The following NUBPL variants were observed in gnomAD, a reference collection of about 807,000 sequenced individuals.
The protein encoded by NUBPL is NUBP iron-sulfur cluster assembly factor, mitochondrial.
NUBPL carries 31 observed loss-of-function variants against 45.7 expected under a neutral mutation model. That is an observed-to-expected ratio of 0.68 (90% CI 0.51 to 0.92). NUBPL has a LOEUF of 0.92. Among genes scored for constraint, NUBPL ranks in the 40% least tolerant of loss-of-function variants. NUBPL has a pLI of 0.00. For missense variants in NUBPL, 401 were observed against 398.7 expected, an observed-to-expected ratio of 1.01 and a Z score of -0.05; for synonymous variants, 144 against 140.9, an observed-to-expected ratio of 1.02 and a Z score of -0.15.
At chr14:31,643,944 T>C (rs1004872050) in intron 4 of NUBPL, among the ~76,000 whole-genome samples, 2 of 152,094 alleles carry the variant, frequency 1.3e-5, no homozygotes, top group Non-Finnish European at 2.9e-5. Flanking sequence ...TTGTTTCTTA[T>C]AATTTTAAAT....
intron 8 of NUBPL, among the ~76,000 whole-genome samples, chr14:31,837,639 G>T (rs986310709): frequency 2.6e-5 from 4 of 151,898 alleles, no homozygotes; most frequent in African/African-American, 9.7e-5. Context: ...AATTATTGAG[G>T]ATCAACCAAA....
intron 6 of NUBPL, among the ~76,000 whole-genome samples, chr14:31,689,564 C>G (rs1203382260): frequency 6.6e-6 from 1 of 151,910 alleles, no homozygotes; most frequent in African/African-American, 2.4e-5. Context: ...GGATATTAGA[C>G]CTTTGTCAGA....
At chr14:31,734,908 C>A (rs1173665581) in intron 6 of NUBPL, among the ~76,000 whole-genome samples, 1 of 152,186 alleles carries the variant, frequency 6.6e-6, no homozygotes, top group African/African-American at 2.4e-5. Flanking sequence ...ACCAAGAAGA[C>A]AAGTCAGTGA....
At chr14:31,669,089 C>G (rs2036508347) in intron 4 of NUBPL, among the ~76,000 whole-genome samples, 1 of 152,130 alleles carries the variant, frequency 6.6e-6, no homozygotes, top group Non-Finnish European at 1.5e-5. Flanking sequence ...ACTCAAACTC[C>G]TGGGCTCAAT....
intron 6 of NUBPL, among the ~76,000 whole-genome samples, chr14:31,767,650 G>A (rs2038937596): frequency 6.6e-6 from 1 of 152,182 alleles, no homozygotes; most frequent in Non-Finnish European, 1.5e-5. Context: ...AGCAATGAAA[G>A]CACAAAGTCT....
chr14:31,815,557 A>C (rs113834165), intron 7 of NUBPL, among the ~76,000 whole-genome samples: 11,200 of 152,180 alleles, frequency 0.074, 470 homozygotes, highest in Non-Finnish European at 0.092. Flanking sequence ...CCTTGGCCAG[A>C]ACTTCCAATA....
At chr14:31,665,235 T>G (rs2036377894) in intron 4 of NUBPL, among the ~76,000 whole-genome samples, 2 of 152,210 alleles carry the variant, frequency 1.3e-5, no homozygotes, top group South Asian at 4.1e-4. Flanking sequence ...AGTTCTTCTC[T>G]GATCTTAGTT....
intron 6 of NUBPL, among the ~76,000 whole-genome samples, chr14:31,687,352 A>T (rs1386775154): frequency 6.6e-6 from 1 of 152,238 alleles, no homozygotes; most frequent in Non-Finnish European, 1.5e-5. Context: ...ATATATGTTG[A>T]TACTAGTGTA....
intron 6 of NUBPL, among the ~76,000 whole-genome samples, chr14:31,746,117 TATC>T (rs2140009303): frequency 6.6e-6 from 1 of 152,152 alleles, no homozygotes; most frequent in Admixed American, 6.5e-5. Context: ...TAGAAAGTCA[TATC>T]ATCTGCAAAC....
chr14:31,765,106 G>A (rs933491549), intron 6 of NUBPL, among the ~76,000 whole-genome samples: 2 of 152,136 alleles, frequency 1.3e-5, no homozygotes. Context: ...AAAGACATAG[G>A]TCACTAAAAT....
chr14:31,634,248 C>A (rs1265920347), intron 4 of NUBPL, among the ~76,000 whole-genome samples: 1 of 105,218 alleles, frequency 9.5e-6, no homozygotes, highest in Non-Finnish European at 1.8e-5. Context: ...CACCCCCCAC[C>A]CCACAACAGT....
intron 7 of NUBPL, among the ~76,000 whole-genome samples, chr14:31,795,484 C>G (rs1163199215): frequency 5.8e-5 from 1 of 17,370 alleles, no homozygotes; most frequent in East Asian, 1.3e-3. Context: ...ATTTTATTCT[C>G]TTTGAAGCAA....
chr14:31,856,976 T>C (rs1016885969), intron 10 of NUBPL, among the ~76,000 whole-genome samples: 1 of 152,230 alleles, frequency 6.6e-6, no homozygotes, highest in African/African-American at 2.4e-5. Flanking sequence ...CACTAGGTCA[T>C]GCCCCAGTAG....
At chr14:31,727,350 G>C in intron 6 of NUBPL, among the ~76,000 whole-genome samples, 1 of 152,056 alleles carries the variant, frequency 6.6e-6, no homozygotes, top group Non-Finnish European at 1.5e-5. Context: ...TGTTTTTTCA[G>C]CCCCAAATTA....
chr14:31,585,983 G>A (rs960689088), intron 3 of NUBPL, among the ~76,000 whole-genome samples: 2 of 152,154 alleles, frequency 1.3e-5, no homozygotes, highest in Non-Finnish European at 2.9e-5. Flanking sequence ...ATTAAAACAT[G>A]TTTTGTATCT....
At chr14:31,616,138 G>A (rs993205464) in intron 4 of NUBPL, among the ~76,000 whole-genome samples, 1 of 151,836 alleles carries the variant, frequency 6.6e-6, no homozygotes, top group Admixed American at 6.6e-5. Context: ...TTTTTGATGG[G>A]GTTGTTTTTT....
At position 31,691,740 on chromosome 14, in the gene NUBPL, T is replaced by A. The variant is rs543029175; in HGVS notation, c.513+18166T>A. Reference sequence around the variant, plus strand: ...TAGAGTAGGAGGTGGGGTGAAGAATTATACCAGGACGGGGCAGTCTTGCCA... The same window carrying A: ...TAGAGTAGGAGGTGGGGTGAAGAATAATACCAGGACGGGGCAGTCTTGCCA... On this transcript the variant is annotated intron_variant, in intron 6 of 10. Coordinates refer to ENST00000281081, the MANE Select transcript of NUBPL (RefSeq NM_025152.3). 7.9e-5 allele frequency among the ~76,000 whole-genome samples: 12 copies of A among 152,250 alleles called. No homozygotes were observed. The East Asian group carries it at 2.3e-3, about 29-fold the overall frequency.
chr14:31,715,334 A>T lies in NUBPL; in HGVS notation c.513+41760A>T, dbSNP rs114789021. Among the ~76,000 whole-genome samples the T allele has an allele frequency of 6.0e-3, 921 of 152,338 alleles. 10 individuals carry two copies. Among genetic ancestry groups the T allele is most frequent in the African/African-American group, 0.021 (862 of 41,566 alleles). ...ACTTTTATAGGCTTAGAAACTAAAT[A>T]AGCTAAGGTCATGTACAGTCATGTT... On this transcript the variant is annotated intron_variant, in intron 6 of 10. Coordinates refer to ENST00000281081, the MANE Select transcript of NUBPL (RefSeq NM_025152.3).
intron 3 of NUBPL, among the ~76,000 whole-genome samples, chr14:31,576,577 A>G (rs1019664053): frequency 6.6e-6 from 1 of 152,118 alleles, no homozygotes; most frequent in African/African-American, 2.4e-5. Context: ...TAGTTAATGT[A>G]TAGCCTAGAG....
Sources: allele counts gnomAD v4.1 joint callset (sites outside exome capture counted in the v4.1 genomes callset), GRCh38; gene constraint gnomAD v4.1.1; transcripts MANE v1.5; gene names NCBI Gene and HGNC (gene_info 2026-07-23, HGNC 2026-07-21).